The following TRIML2 variants were observed in gnomAD, a reference collection of about 807,000 sequenced individuals.
TRIML2 encodes the protein probable E3 ubiquitin-protein ligase TRIML2.
In TRIML2, 28 loss-of-function variants were observed where a neutral mutation model predicts 31.2. The ratio of observed to expected loss-of-function variants is 0.90; its 90% confidence interval spans 0.66 to 1.23. The LOEUF (loss-of-function observed/expected upper bound fraction) is 1.23. Among genes scored for constraint, TRIML2 ranks in the 50% most tolerant of loss-of-function variants. The pLI is 0.00. For missense variants in TRIML2, 536 were observed against 528.3 expected (o/e 1.01, Z -0.14); for synonymous variants, 187 against 197.5 (o/e 0.95, Z 0.45).
At chr4:188,098,281 T>C (rs944749971) in intron 5 of TRIML2, 3 of 454,274 alleles carry the variant, frequency 6.6e-6, no homozygotes, top group African/African-American at 2.0e-5. Context: ...ATCAAGGCAC[T>C]GGCAGATTCA....
intron 3 of TRIML2, among the ~76,000 whole-genome samples, chr4:188,103,097 C>T (rs1456648637): frequency 1.3e-5 from 2 of 149,412 alleles, no homozygotes; most frequent in African/African-American, 4.9e-5. Flanking sequence ...ACTGCAAGCT[C>T]CGCCTCCAAA....
At chr4:188,106,774 C>T in intron 1 of TRIML2, 1 of 215,948 alleles carries the variant, frequency 4.6e-6, no homozygotes, top group South Asian at 7.7e-5. Context: ...CGTGGTTCCC[C>T]GGCCCGCGCT....
rs1733641589 is a variant in TRIML2 at position 188,098,794 on chromosome 4, C to A, written c.621+241G>T. 14 of 477,512 alleles carry A rather than the reference C, an allele frequency of 2.9e-5. No individual in the cohort carries two copies. The Admixed American group carries it at 3.8e-4, about 13-fold the overall frequency. The allele number at this position is 477,512 out of a possible 1,614,324, so 29.6% of individuals were successfully genotyped here. ...TTAACCACATTGTGTCACATCTCAA[C>A]CCTAACTTACTGCTGATAATTTTAA... On this transcript the variant is annotated intron_variant, in intron 5 of 7. Transcript: ENST00000682553.
At chr4:188,100,305 G>A (rs1290836509) in intron 4 of TRIML2, among the ~76,000 whole-genome samples, 1 of 152,074 alleles carries the variant, frequency 6.6e-6, no homozygotes, top group African/African-American at 2.4e-5. Flanking sequence ...TATAAATTAG[G>A]GGTCACTGTT....
intron 7 of TRIML2, among the ~76,000 whole-genome samples, chr4:188,092,608 C>T (rs909005290): frequency 1.3e-5 from 2 of 152,180 alleles, no homozygotes; most frequent in Non-Finnish European, 2.9e-5. Context: ...CCACAGGAGT[C>T]GGCCAGCAGC....
intron 1 of TRIML2, chr4:188,106,762 TCCGTGGTTC>T: frequency 4.8e-6 from 1 of 209,162 alleles, no homozygotes; most frequent in Non-Finnish European, 1.0e-5. Flanking sequence ...GGAGGCCAAG[TCCGTGGTTC>T]CCCGGCCCGC....
chr4:188,093,682 T>TGAA (rs58214952), intron 7 of TRIML2, among the ~76,000 whole-genome samples: 19,891 of 151,586 alleles, frequency 0.13, 1,990 homozygotes, highest in East Asian at 0.56. Flanking sequence ...CAAAAAAGGT[T>TGAA]GAAGAAACAA....
intron 5 of TRIML2, among the ~76,000 whole-genome samples, 187 bp from the exon 6 acceptor site, chr4:188,097,533 A>G (rs1733573188): frequency 6.6e-6 from 1 of 152,130 alleles, no homozygotes; most frequent in African/African-American, 2.4e-5. Context: ...GCATGAAATC[A>G]TTTTGTCGTA....
At position 188,099,165 on chromosome 4, in the gene TRIML2, C is replaced by G; in HGVS notation, c.491G>C (p.Arg164Pro). ...TTTCTCCATGTTCTCTCTCCCCACA[C>G]GGCCCAGTCTCTGCAGAAGCATTTC... is the stretch of plus-strand genomic sequence containing the variant. ...MFQEMLQRLGRVGRENMEKLK... is the reference protein window; with the variant it reads ...MFQEMLQRLGPVGRENMEKLK... The change falls in exon 5 of 8, where the codon CGT (arginine) becomes CCT (proline). Residue 164 changes from arginine to proline, a missense_variant. Coordinates refer to ENST00000682553, the MANE Select transcript of TRIML2 (RefSeq NM_173553.4). 6.2e-7 allele frequency: 1 copy of G among 1,608,398 alleles called. No individual in the cohort carries two copies. Among genetic ancestry groups the G allele is most frequent in the Non-Finnish European group, 8.5e-7 (1 of 1,178,240 alleles).
At chr4:188,101,313 G>C in intron 3 of TRIML2, 63 bp from the exon 4 acceptor site, 2 of 930,918 alleles carry the variant, frequency 2.1e-6, no homozygotes, top group Non-Finnish European at 3.3e-6. Flanking sequence ...ACACACACAC[G>C]TCATAATAGA....
chr4:188,101,926 C>T (rs369993265), intron 3 of TRIML2, among the ~76,000 whole-genome samples: 3,720 of 151,644 alleles, frequency 0.025, 140 homozygotes, highest in African/African-American at 0.085. Flanking sequence ...GTCAGGAGAT[C>T]GAGACCATCC....
In TRIML2 at chr4:188,097,370, G is replaced by C. The variant is rs1037712726; in HGVS notation, c.622-24C>G. On this transcript the variant is annotated intron_variant, in intron 5 of 7. Coordinates refer to ENST00000682553, the MANE Select transcript of TRIML2 (RefSeq NM_173553.4). Reference sequence around the variant, plus strand: ...TTCTAAGGGAAAGAAAAGAGACCAGGTTACTACTGGGTTTTTGAGCTGTTT... The same window carrying C: ...TTCTAAGGGAAAGAAAAGAGACCAGCTTACTACTGGGTTTTTGAGCTGTTT... 1.9e-6 allele frequency: 3 copies of C among 1,612,558 alleles called. No individual in the cohort carries two copies. The East Asian group carries it at 6.7e-5, about 36-fold the overall frequency.
intron 1 of TRIML2, chr4:188,106,774 C>G (rs115221509): frequency 0.029 from 6,196 of 215,942 alleles, 422 homozygotes; most frequent in African/African-American, 0.14. Flanking sequence ...CGTGGTTCCC[C>G]GGCCCGCGCT....
At chr4:188,103,005 G>GGTTT (rs1560954212) in intron 3 of TRIML2, among the ~76,000 whole-genome samples, 1 of 97,844 alleles carries the variant, frequency 1.0e-5, no homozygotes, top group African/African-American at 3.9e-5. Flanking sequence ...TACTCTCTTG[G>GGTTT]TTTTTTTTTT....
In TRIML2 at chr4:188,094,870, T is replaced by C. The variant is rs1448119431; in HGVS notation, c.745+2191A>G. Among the ~76,000 whole-genome samples the C allele has an allele frequency of 2.0e-5, 3 of 152,208 alleles. 1 individual carries two copies. Among genetic ancestry groups the C allele is most frequent in the Non-Finnish European group, 4.4e-5 (3 of 68,042 alleles). ...ATTTGGAGAATGCACAGTACCTGCTTTCAAGACTTCCTACAGAGTTATCAA... is the reference window on the plus strand; with the variant it reads ...ATTTGGAGAATGCACAGTACCTGCTCTCAAGACTTCCTACAGAGTTATCAA... On this transcript the variant is annotated intron_variant, in intron 7 of 7. Coordinates refer to ENST00000682553, the MANE Select transcript of TRIML2 (RefSeq NM_173553.4).
intron 7 of TRIML2, among the ~76,000 whole-genome samples, chr4:188,094,087 T>G (rs1733388497): frequency 7.3e-6 from 1 of 136,908 alleles, no homozygotes; most frequent in African/African-American, 3.0e-5. Context: ...CCAGACAGCA[T>G]CTCAAAAAAC....
intron 5 of TRIML2, chr4:188,098,227 C>T (rs986037765): frequency 2.2e-6 from 1 of 454,882 alleles, no homozygotes; most frequent in Admixed American, 2.4e-5. Flanking sequence ...AGCTTCTGCA[C>T]AGCAGAAATT....
chr4:188,098,804 C>A (rs1326014590), intron 5 of TRIML2: 1 of 493,434 alleles, frequency 2.0e-6, no homozygotes, highest in Admixed American at 3.7e-5. Context: ...CCCTAACTTA[C>A]TGCTGATAAT....
At chr4:188,100,359 G>C (rs929837717) in intron 4 of TRIML2, among the ~76,000 whole-genome samples, 3 of 152,168 alleles carry the variant, frequency 2.0e-5, no homozygotes, top group African/African-American at 7.2e-5. Context: ...AGGTTAAGCA[G>C]CAGGTCGTAG....
Sources: gnomAD v4.1 joint callset for allele counts (sites outside exome capture counted in the v4.1 genomes callset) on GRCh38, gnomAD v4.1.1 for gene constraint, MANE v1.5 for transcripts, NCBI Gene and HGNC (gene_info 2026-07-23, HGNC 2026-07-21) for gene names.